Variants in UBXN7 observed in about 807,000 individuals in gnomAD.
The protein encoded by UBXN7 is UBX domain-containing protein 7.
A neutral mutation model predicts 58.0 loss-of-function variants in UBXN7; 9 were observed. The observed-to-expected ratio is 0.16, with a 90% CI of 0.09 to 0.27. The LOEUF (loss-of-function observed/expected upper bound fraction) is 0.27. Ranked by LOEUF, UBXN7 falls within the 10% of genes least tolerant of loss-of-function variation. UBXN7 has a pLI of 1.00. For synonymous variants in UBXN7, 208 were observed against 205.0 expected (o/e 1.01, Z -0.12); for missense variants, 328 against 599.6 (o/e 0.55, Z 4.73).
At chr3:196,422,500 A>G (rs1394829408) in intron 1 of UBXN7, among the ~76,000 whole-genome samples, 4 of 151,920 alleles carry the variant, frequency 2.6e-5, no homozygotes, top group Non-Finnish European at 5.9e-5. Context: ...AAAAAAAGAC[A>G]ATTAAAAATA....
intron 1 of UBXN7, among the ~76,000 whole-genome samples, chr3:196,421,586 A>G (rs538191465): frequency 8.3e-4 from 126 of 152,060 alleles, no homozygotes; most frequent in African/African-American, 2.9e-3. Flanking sequence ...CCTGGCCAAC[A>G]TGGTGAAACC....
intron 1 of UBXN7, among the ~76,000 whole-genome samples, chr3:196,424,760 T>C (rs1003846051): frequency 6.8e-6 from 1 of 146,696 alleles, no homozygotes; most frequent in Non-Finnish European, 1.5e-5. Context: ...TGGAGTGCAA[T>C]GGCGTGATCT....
At chr3:196,431,717 C>T (rs749698916) in intron 1 of UBXN7, 3 of 441,210 alleles carry the variant, frequency 6.8e-6, no homozygotes, top group African/African-American at 2.0e-5. Context: ...TCCCTGAGGT[C>T]CTCCTCAGCA....
At chr3:196,422,970 A>G (rs886513253) in intron 1 of UBXN7, among the ~76,000 whole-genome samples, 4 of 152,232 alleles carry the variant, frequency 2.6e-5, no homozygotes, top group Non-Finnish European at 5.9e-5. Context: ...CTCAAACACA[A>G]TAGTTTAAGA....
chr3:196,395,956 G>T (rs991275701), intron 3 of UBXN7, among the ~76,000 whole-genome samples: 1 of 151,984 alleles, frequency 6.6e-6, no homozygotes, highest in Non-Finnish European at 1.5e-5. Flanking sequence ...AGTAGGGAGG[G>T]GGTTTCACCA....
chr3:196,422,793 A>C (rs945848999), intron 1 of UBXN7, among the ~76,000 whole-genome samples: 1 of 152,184 alleles, frequency 6.6e-6, no homozygotes, highest in African/African-American at 2.4e-5. Flanking sequence ...AAAGATATTC[A>C]CACACTTGTA....
rs1403040895 is a variant in UBXN7, at chr3:196,368,072, G to A, written c.790C>T (p.Leu264=). 1.9e-6 allele frequency: 3 copies of A among 1,614,028 alleles called. No homozygotes were observed. ...GGGGGACTGCTAGAAAGTCCATCCA[G>A]TTGTCCATGTTCACCCAGAAATCCC... ...VTGFLGEHGQ[L]DGLSSSPPKK... The change falls in exon 8 of 11, where the codon CTG becomes TTG. Residue 264 remains leucine, a synonymous_variant. Transcript: ENST00000296328.
chr3:196,380,639 G>A (rs972000197), intron 5 of UBXN7, among the ~76,000 whole-genome samples: 6 of 152,252 alleles, frequency 3.9e-5, no homozygotes, highest in Non-Finnish European at 8.8e-5. Flanking sequence ...GAGAGCGGGT[G>A]CAGCCCACGG....
chr3:196,422,307 C>A (rs543677075), intron 1 of UBXN7, among the ~76,000 whole-genome samples: 1 of 151,954 alleles, frequency 6.6e-6, no homozygotes, highest in African/African-American at 2.4e-5. Flanking sequence ...CACAGGGAGA[C>A]CTCATCTATA....
At chr3:196,381,661 C>A (rs1047507737) in intron 5 of UBXN7, among the ~76,000 whole-genome samples, 1 of 152,200 alleles carries the variant, frequency 6.6e-6, no homozygotes, top group African/African-American at 2.4e-5. Context: ...CAGAAGTAGT[C>A]TTCAGAAGGT....
At chr3:196,386,074 T>C (rs1729383070) in intron 5 of UBXN7, among the ~76,000 whole-genome samples, 2 of 152,226 alleles carry the variant, frequency 1.3e-5, no homozygotes, top group Admixed American at 1.3e-4. Context: ...TCTATGACCT[T>C]ACCCCCAACC....
rs750491630 is a variant in UBXN7, at chr3:196,362,345, C to T, written c.1177G>A (p.Glu393Lys). ...CCATCTGCTTTTTCAGGTGGCATCT[C>T]CAGTATCTCTGAATCCACAGCTGGC... ...GLPAVDSEIL[E>K]MPPEKADGVV... The change falls in exon 9 of 11, where the codon GAG (glutamate) becomes AAG (lysine). Residue 393 changes from glutamate (E) to lysine (K), a missense_variant. Coordinates refer to ENST00000296328, the MANE Select transcript of UBXN7 (RefSeq NM_015562.2). 2.5e-6 allele frequency: 4 copies of T among 1,613,704 alleles called. No homozygotes were observed. The highest frequency in any genetic ancestry group is 2.7e-5 in the African/African-American group (2 of 74,924).
intron 3 of UBXN7, 62 bp downstream of exon 3, chr3:196,402,890 T>C (rs781696599): frequency 8.9e-5 from 137 of 1,539,312 alleles, no homozygotes; most frequent in Non-Finnish European, 1.1e-4. Flanking sequence ...CATCTTTTGA[T>C]GGTTTCATTA....
At chr3:196,415,127 T>A (rs924158427) in intron 1 of UBXN7, among the ~76,000 whole-genome samples, 1 of 151,896 alleles carries the variant, frequency 6.6e-6, no homozygotes, top group Non-Finnish European at 1.5e-5. Flanking sequence ...TTGCCTCCAG[T>A]TACATTGTGT....
intron 8 of UBXN7, 140 bp downstream of exon 8, chr3:196,367,888 G>T: frequency 8.6e-7 from 1 of 1,158,268 alleles, no homozygotes; most frequent in Non-Finnish European, 1.2e-6. Context: ...ATATAAGGAG[G>T]ATATCTAAGA....
At chr3:196,416,965 C>A (rs979704544) in intron 1 of UBXN7, among the ~76,000 whole-genome samples, 20 of 152,104 alleles carry the variant, frequency 1.3e-4, no homozygotes, top group Admixed American at 7.2e-4. Flanking sequence ...GTGAGGGCAA[C>A]TTAGGGCAGG....
chr3:196,385,415 G>A (rs953123555), intron 5 of UBXN7, among the ~76,000 whole-genome samples: 20 of 152,186 alleles, frequency 1.3e-4, no homozygotes, highest in Middle Eastern at 3.4e-3. Flanking sequence ...GCCTCTGCCC[G>A]GCCGCCACCC....
At chr3:196,399,954 G>A (rs971589566) in intron 3 of UBXN7, 3 of 152,214 alleles carry the variant, frequency 2.0e-5, no homozygotes, top group African/African-American at 7.2e-5. Context: ...CTACTTAGGA[G>A]GCTGAGATAA....
At chr3:196,375,870 G>A (rs1284412680) in intron 5 of UBXN7, among the ~76,000 whole-genome samples, 2 of 152,082 alleles carry the variant, frequency 1.3e-5, no homozygotes, top group Admixed American at 6.6e-5. Context: ...CTCTACTAAC[G>A]ATACTAAAAT....
Sources: allele counts gnomAD v4.1 joint callset (sites outside exome capture counted in the v4.1 genomes callset), GRCh38; gene constraint gnomAD v4.1.1; transcripts MANE v1.5; gene names NCBI Gene and HGNC (gene_info 2026-07-23, HGNC 2026-07-21).